The following MYOCD variants were observed in gnomAD, a reference collection of about 807,000 sequenced individuals.
The protein encoded by MYOCD is myocardin.
In MYOCD, 32 loss-of-function variants were observed where a neutral mutation model predicts 96.1. The ratio of observed to expected loss-of-function variants is 0.33; its 90% CI spans 0.25 to 0.45. MYOCD has a LOEUF of 0.45. Ranked by LOEUF, MYOCD falls within the 20% of genes least tolerant of loss-of-function variation. The pLI, the probability that MYOCD is intolerant of heterozygous loss-of-function variation, is 1.00. For synonymous variants in MYOCD, 469 were observed against 469.0 expected, an observed-to-expected ratio of 1.00 and a Z score of 0.00; for missense variants, 1,133 against 1,200.6, an observed-to-expected ratio of 0.94 and a Z score of 0.83.
At chr17:12,745,460 C>T (rs1260307637) in intron 8 of MYOCD, among the ~76,000 whole-genome samples, 2 of 152,166 alleles carry the variant, frequency 1.3e-5, no homozygotes. Flanking sequence ...CCACCCGCCT[C>T]GGCCTCCCAA....
In MYOCD at chr17:12,666,176, G is replaced by C. The variant is rs746785937; in HGVS notation, c.-13G>C. On this transcript the variant is annotated 5_prime_UTR_variant, in exon 1 of 14. Transcript: ENST00000425538. Reference sequence around the variant, plus strand: ...CGCCTGGCCAAGGGACCAGCGGCTTGCTGAGACTCAACATGACACTCCTGG... The same window carrying C: ...CGCCTGGCCAAGGGACCAGCGGCTTCCTGAGACTCAACATGACACTCCTGG... 2 of 1,611,958 alleles carry C rather than the reference G, an allele frequency of 1.2e-6. No individual in the cohort carries two copies. The highest frequency in any genetic ancestry group is 1.1e-5 in the South Asian group (1 of 90,916).
intron 5 of MYOCD, among the ~76,000 whole-genome samples, chr17:12,734,692 G>A (rs1324022178): frequency 1.3e-5 from 2 of 151,538 alleles, no homozygotes; most frequent in Non-Finnish European, 2.9e-5. Flanking sequence ...TGTATTTTTA[G>A]TAGAGACGGG....
chr17:12,760,655 G>A lies in MYOCD; in HGVS notation c.2337G>A (p.Met779Ile). The change falls in exon 13 of 14, where the codon ATG becomes ATA. Residue 779 changes from methionine (M) to isoleucine (I), a missense_variant. By Grantham distance (10) the Met-to-Ile change is conservative (BLOSUM62 1). Transcript: ENST00000425538. ...PSYEDAVKQQ[M>I]TRSQQMDELL... ...CTTTGGTTAATTTGTAATAGCAAAT[G>A]ACCCGGAGTCAGCAGATGGATGAAC... The A allele has an allele frequency of 6.2e-7, 1 of 1,613,732 alleles. No individual in the cohort carries two copies. Among genetic ancestry groups the A allele is most frequent in the Non-Finnish European group, 8.5e-7 (1 of 1,179,724 alleles).
rs148520894 is a variant in MYOCD at position 12,715,527 on chromosome 17, C to T, written c.130C>T (p.Arg44Cys). ...ANQGIIPPLK[R>C]PAEFHEQRKH... ...TTGTGTTTCTGTTTCAGCACTGAAA[C>T]GTCCAGCTGAATTCCATGAGCAAAG... Residue 44 changes from arginine to cysteine, a missense_variant, in exon 3 of 14, where the codon CGT becomes TGT. Arg to Cys is a radical substitution (Grantham distance 180). Transcript: ENST00000425538. The T allele has an allele frequency of 4.6e-5, 75 of 1,613,320 alleles. No individual in the cohort carries two copies. Among genetic ancestry groups the T allele is most frequent in the Non-Finnish European group, 6.2e-5 (73 of 1,179,660 alleles).
chr17:12,708,257 T>C (rs1237424274), intron 2 of MYOCD, among the ~76,000 whole-genome samples: 2 of 152,230 alleles, frequency 1.3e-5, no homozygotes, highest in African/African-American at 4.8e-5. Context: ...TGTAAATGCA[T>C]GCCAGATAAA....
Position 12,752,917 on chromosome 17 carries a change from G to A in MYOCD, c.1629G>A (p.Glu543=), listed in dbSNP as rs372435165. 1.2e-6 allele frequency: 2 copies of A among 1,614,140 alleles called. No individual in the cohort carries two copies. Among genetic ancestry groups the A allele is most frequent in the Non-Finnish European group, 1.7e-6 (2 of 1,180,034 alleles). ...TCCAGCAAGAGCAGAGGCAGGTGGA[G>A]GAGCTGAGGATGCAGCTTCAGAAGC... ...WKLQQEQRQV[E]ELRMQLQKQK... is the part of the protein sequence containing the mutation. The change falls in exon 10 of 14, where the codon GAG becomes GAA. Residue 543 remains glutamate (E), a synonymous_variant. Transcript: ENST00000425538.
chr17:12,706,582 C>T (rs2031297282), intron 2 of MYOCD, among the ~76,000 whole-genome samples: 1 of 152,200 alleles, frequency 6.6e-6, no homozygotes, highest in East Asian at 1.9e-4. Context: ...CTTAAATACT[C>T]TGAGCCTGGG....
intron 5 of MYOCD, among the ~76,000 whole-genome samples, chr17:12,724,749 A>G (rs1379410134): frequency 1.3e-5 from 2 of 152,080 alleles, no homozygotes; most frequent in East Asian, 1.9e-4. Flanking sequence ...AGAGAGGTCT[A>G]ATTTTTTTGT....
intron 11 of MYOCD, 42 bp downstream of exon 11, chr17:12,756,599 C>T: frequency 6.6e-7 from 1 of 1,506,972 alleles, no homozygotes. Flanking sequence ...ATTCACTTTG[C>T]CTCTTCTCTC....
chr17:12,701,366 C>T (rs1360213938), intron 1 of MYOCD, among the ~76,000 whole-genome samples: 3 of 152,048 alleles, frequency 2.0e-5, no homozygotes, highest in Admixed American at 6.6e-5. Context: ...GAGCCGAGAT[C>T]GTGCCACTGC....
At chr17:12,675,853 C>G (rs923761451) in intron 1 of MYOCD, among the ~76,000 whole-genome samples, 2 of 151,858 alleles carry the variant, frequency 1.3e-5, no homozygotes, top group Non-Finnish European at 2.9e-5. Context: ...AGCAAGACTC[C>G]GTCTCAATCA....
rs541367559 is a variant in MYOCD, at chr17:12,760,703, C to G, written c.2385C>G (p.Ser795Arg). Residue 795 changes from serine to arginine, a missense_variant, in exon 13 of 14, where the codon AGC becomes AGG. Coordinates refer to ENST00000425538, the MANE Select transcript of MYOCD (RefSeq NM_001146312.3). ...AACTCCTGGACGTGCTTATTGAAAG[C>G]GGAGGTAAGACTGCCTGTGTCCTGT... Reference protein sequence around the residue: ...MDELLDVLIESGEMPADARED... With the variant: ...MDELLDVLIERGEMPADARED... 6.2e-7 allele frequency: 1 copy of G among 1,613,294 alleles called. No individual in the cohort carries two copies. The highest frequency in any genetic ancestry group is 1.7e-5 in the Admixed American group (1 of 59,968).
At chr17:12,749,534 T>TTA (rs56853262) in intron 9 of MYOCD, among the ~76,000 whole-genome samples, 86 of 144,836 alleles carry the variant, frequency 5.9e-4, no homozygotes, top group Middle Eastern at 3.6e-3. Context: ...GTCTCAAAAC[T>TTA]TATATATATA....
At chr17:12,737,810 C>A (rs1341279425) in intron 6 of MYOCD, among the ~76,000 whole-genome samples, 1 of 152,162 alleles carries the variant, frequency 6.6e-6, no homozygotes, top group African/African-American at 2.4e-5. Flanking sequence ...TTACTGATCA[C>A]CGTCATGCCT....
chr17:12,718,255 GA>G (rs1395996439), intron 4 of MYOCD, among the ~76,000 whole-genome samples: 1 of 152,130 alleles, frequency 6.6e-6, no homozygotes, highest in Non-Finnish European at 1.5e-5. Context: ...AATCCAGCAT[GA>G]AAAGAAAGGA....
intron 4 of MYOCD, among the ~76,000 whole-genome samples, chr17:12,719,080 C>A (rs2031735232): frequency 6.9e-6 from 1 of 145,900 alleles, no homozygotes; most frequent in Non-Finnish European, 1.5e-5. Flanking sequence ...GAGGCTGAAG[C>A]AGGAGAATTG....
intron 7 of MYOCD, among the ~76,000 whole-genome samples, 187 bp downstream of exon 7, chr17:12,739,515 G>A (rs1382576847): frequency 6.6e-6 from 1 of 152,214 alleles, no homozygotes; most frequent in African/African-American, 2.4e-5. Context: ...TTGCAGCACA[G>A]CAGAAGTCAC....
intron 7 of MYOCD, among the ~76,000 whole-genome samples, chr17:12,743,349 A>T (rs2032566908): frequency 6.6e-6 from 1 of 152,174 alleles, no homozygotes; most frequent in South Asian, 2.1e-4. Flanking sequence ...GGTTTATCTT[A>T]CTTTCAGCTC....
At position 12,753,355 on chromosome 17, in the gene MYOCD, A is replaced by C; in HGVS notation, c.2058+9A>C. 1 of 1,543,570 alleles carries C rather than the reference A, an allele frequency of 6.5e-7. No homozygotes were observed. Among genetic ancestry groups the C allele is most frequent in the Non-Finnish European group, 8.7e-7 (1 of 1,145,052 alleles). On this transcript the variant is annotated intron_variant, in intron 10 of 13. Transcript: ENST00000425538. ...AGGTGTGCACTGCACAGGTAAGAGC[A>C]CCTTGCGCCATGCCTGGTGCACACT...
Sources: allele counts gnomAD v4.1 joint callset (sites outside exome capture counted in the v4.1 genomes callset), GRCh38; gene constraint gnomAD v4.1.1; transcripts MANE v1.5; gene names NCBI Gene and HGNC (gene_info 2026-07-23, HGNC 2026-07-21).